ZFHX3: variants seen among roughly 807,000 people sequenced by gnomAD.
ZFHX3 encodes the protein zinc finger homeobox protein 3.
A neutral mutation model predicts 279.1 loss-of-function variants in ZFHX3; 42 were observed. The ratio of observed to expected loss-of-function variants is 0.15; its 90% CI spans 0.12 to 0.19. The LOEUF (loss-of-function observed/expected upper bound fraction) is 0.19. Ranked by LOEUF, ZFHX3 falls within the 10% of genes least tolerant of loss-of-function variation. The pLI is 1.00. For synonymous variants in ZFHX3, 2,293 were observed against 1,957.8 expected, an observed-to-expected ratio of 1.17 and a Z score of -4.52; for missense variants, 4,981 against 4,754.0, an observed-to-expected ratio of 1.05 and a Z score of -1.40.
At chr16:73,844,655 A>T (rs1029229466) in intron 1 of ZFHX3, among the ~76,000 whole-genome samples, 2 of 152,118 alleles carry the variant, frequency 1.3e-5, no homozygotes, top group East Asian at 3.9e-4. Context: ...GGATGGACAG[A>T]CTGACAGGAA....
intron 2 of ZFHX3, among the ~76,000 whole-genome samples, chr16:72,951,807 G>T (rs889004632): frequency 6.6e-6 from 1 of 152,212 alleles, no homozygotes; most frequent in Non-Finnish European, 1.5e-5. Context: ...GTGTCATCTG[G>T]TGCAGCAGTC....
chr16:73,251,913 C>T (rs1227387920), intron 5 of ZFHX3, among the ~76,000 whole-genome samples: 1 of 82,976 alleles, frequency 1.2e-5, no homozygotes, highest in African/African-American at 8.9e-5. Flanking sequence ...ACACACACAC[C>T]ACACACACAC....
intron 3 of ZFHX3, among the ~76,000 whole-genome samples, chr16:73,422,314 TGAC>T (rs935800470): frequency 1.3e-4 from 20 of 152,208 alleles, no homozygotes; most frequent in African/African-American, 4.6e-4. Context: ...CTAAACATCC[TGAC>T]AACAGAGCTT....
chr16:73,458,637 T>C (rs2018418863), intron 2 of ZFHX3, among the ~76,000 whole-genome samples: 1 of 152,126 alleles, frequency 6.6e-6, no homozygotes, highest in African/African-American at 2.4e-5. Flanking sequence ...TGAACTGCTC[T>C]TTAGACCCCT....
At chr16:73,293,742 A>G (rs1048363422) in intron 4 of ZFHX3, 3 of 152,246 alleles carry the variant, frequency 2.0e-5, no homozygotes, top group Non-Finnish European at 4.4e-5. Context: ...TGGGCAGCAC[A>G]GGGCAAGGTG....
chr16:72,913,043 C>T (rs760790056), intron 3 of ZFHX3, among the ~76,000 whole-genome samples: 29 of 152,192 alleles, frequency 1.9e-4, no homozygotes, highest in Non-Finnish European at 3.4e-4. Context: ...ATTTGTAAAA[C>T]AGGCCTGGTT....
At chr16:72,791,572 C>T (rs981105700) in intron 9 of ZFHX3, 3 of 152,222 alleles carry the variant, frequency 2.0e-5, no homozygotes, top group Non-Finnish European at 4.4e-5. Context: ...CTCTCTGGCC[C>T]TCAGATTTCT....
intron 1 of ZFHX3, among the ~76,000 whole-genome samples, chr16:73,042,468 A>T (rs1470055562): frequency 1.3e-5 from 2 of 152,150 alleles, no homozygotes; most frequent in Non-Finnish European, 2.9e-5. Context: ...GAAACAAGCA[A>T]AACTGTTCTT....
intron 3 of ZFHX3, among the ~76,000 whole-genome samples, chr16:73,410,339 C>G (rs551512785): frequency 6.6e-6 from 1 of 152,084 alleles, no homozygotes; most frequent in East Asian, 1.9e-4. Context: ...TCACTTGAAC[C>G]CGGGAGGCAG....
At chr16:73,876,754 T>C (rs1490127652) in intron 1 of ZFHX3, among the ~76,000 whole-genome samples, 1 of 152,164 alleles carries the variant, frequency 6.6e-6, no homozygotes, top group Non-Finnish European at 1.5e-5. Flanking sequence ...GCATTTCTCT[T>C]ACTTTTCTTA....
intron 4 of ZFHX3, among the ~76,000 whole-genome samples, chr16:72,872,748 G>A (rs1219910402): frequency 6.6e-6 from 1 of 152,126 alleles, no homozygotes; most frequent in African/African-American, 2.4e-5. Context: ...CATGGGCCAC[G>A]TGCCTGGCCA....
intron 3 of ZFHX3, among the ~76,000 whole-genome samples, chr16:73,442,522 T>A (rs986593605): frequency 1.3e-5 from 2 of 152,150 alleles, no homozygotes; most frequent in Non-Finnish European, 2.9e-5. Context: ...GTGTGCGTAG[T>A]TAACCATGTA....
rs56783722 is a variant in ZFHX3 at position 73,293,986 on chromosome 16, C to CAAAAA, written c.-1194+24249_-1194+24253dup. The stretch of plus-strand genomic sequence containing the variant: ...TCCTTGGCTTTCTAAGTCAATATGC[C>CAAAAA]AAAAAAAAAAAAAAAAAAAAAAAAA... On this transcript the variant is annotated intron_variant, in intron 4 of 17. Transcript: ENST00000641206. The CAAAAA allele has an allele frequency of 2.5e-3, 106 of 41,748 alleles. 12 individuals are homozygous for CAAAAA. Among genetic ancestry groups the CAAAAA allele is most frequent in the African/African-American group, 8.7e-3 (99 of 11,434 alleles). The allele number at this position is 41,748 out of a possible 1,614,324, so 2.6% of individuals were successfully genotyped here. A position where few individuals can be genotyped will look rare whatever the true frequency, so the allele number is the denominator to read the frequency against.
chr16:73,591,063 T>C (rs188063763), intron 2 of ZFHX3, among the ~76,000 whole-genome samples: 1 of 151,944 alleles, frequency 6.6e-6, no homozygotes, highest in South Asian at 2.1e-4. Context: ...CCTCAAAAAC[T>C]AGAAAATAAG....
At chr16:73,684,504 G>A (rs917678058) in intron 1 of ZFHX3, among the ~76,000 whole-genome samples, 2 of 151,984 alleles carry the variant, frequency 1.3e-5, no homozygotes, top group African/African-American at 4.8e-5. Context: ...TGTGCATATT[G>A]GATTAAGGTA....
chr16:73,851,603 C>T (rs1290571818), intron 1 of ZFHX3, among the ~76,000 whole-genome samples: 1 of 152,188 alleles, frequency 6.6e-6, no homozygotes, highest in Non-Finnish European at 1.5e-5. Context: ...CATATAAAAT[C>T]TTCAAAGTGT....
At chr16:73,781,215 G>A (rs970898045) in intron 1 of ZFHX3, among the ~76,000 whole-genome samples, 3 of 152,172 alleles carry the variant, frequency 2.0e-5, no homozygotes, top group African/African-American at 4.8e-5. Context: ...CTGGAATCAC[G>A]ATGCTTTTTT....
intron 1 of ZFHX3, among the ~76,000 whole-genome samples, chr16:73,012,909 G>A (rs567610306): frequency 6.6e-6 from 1 of 152,290 alleles, no homozygotes; most frequent in East Asian, 1.9e-4. Context: ...GGAATGAATT[G>A]TCATTTGCAA....
chr16:73,292,751 A>G (rs2014806147), intron 4 of ZFHX3, among the ~76,000 whole-genome samples: 1 of 152,122 alleles, frequency 6.6e-6, no homozygotes, highest in Non-Finnish European at 1.5e-5. Flanking sequence ...GTCACCAGGG[A>G]GAGCCTGAGG....
Sources: gnomAD v4.1 joint callset for allele counts (sites outside exome capture counted in the v4.1 genomes callset) on GRCh38, gnomAD v4.1.1 for gene constraint, MANE v1.5 for transcripts, NCBI Gene and HGNC (gene_info 2026-07-23, HGNC 2026-07-21) for gene names.